The following AKAP10 variants were observed in gnomAD, a reference collection of about 807,000 sequenced individuals.
AKAP10 encodes the protein A-kinase anchoring protein 10.
In AKAP10, 24 loss-of-function variants were observed where a neutral mutation model predicts 80.8. The ratio of observed to expected loss-of-function variants is 0.30; its 90% CI spans 0.22 to 0.42. The LOEUF (loss-of-function observed/expected upper bound fraction) is 0.42. AKAP10 is among the 10% of genes least tolerant of loss of function. AKAP10 has a pLI of 1.00. For missense variants in AKAP10, 661 were observed against 794.9 expected, an observed-to-expected ratio of 0.83 and a Z score of 2.03; for synonymous variants, 291 against 277.7, an observed-to-expected ratio of 1.05 and a Z score of -0.48.
At chr17:19,929,340 A>T (rs978272911) in intron 10 of AKAP10, 1 of 152,210 alleles carries the variant, frequency 6.6e-6, no homozygotes, top group Non-Finnish European at 1.5e-5. Flanking sequence ...TGTAAATGTG[A>T]ATTAGCACAA....
intron 4 of AKAP10, among the ~76,000 whole-genome samples, chr17:19,950,642 G>A (rs528179285): frequency 7.9e-5 from 12 of 152,346 alleles, no homozygotes; most frequent in African/African-American, 1.9e-4. Context: ...GTGCAGTGGC[G>A]TGATCTCAGC....
intron 5 of AKAP10, among the ~76,000 whole-genome samples, chr17:19,946,238 TATATATATATATA>T (rs2043114419): frequency 5.7e-4 from 5 of 8,790 alleles, no homozygotes; most frequent in African/African-American, 2.6e-3. Flanking sequence ...ATATATATAT[TATATATATATATA>T]TATATATATA....
At chr17:19,954,362 TA>T (rs2152417056) in intron 4 of AKAP10, among the ~76,000 whole-genome samples, 1 of 152,192 alleles carries the variant, frequency 6.6e-6, no homozygotes, top group Admixed American at 6.6e-5. Flanking sequence ...CAAATGGTAT[TA>T]GAACAACTAG....
At chr17:19,977,549 C>T in intron 1 of AKAP10, 43 bp downstream of exon 1, 1 of 1,225,782 alleles carries the variant, frequency 8.2e-7, no homozygotes. Flanking sequence ...CACCGCCGCC[C>T]CTGAGGCCCG....
At chr17:19,958,875 T>G (rs2043315424) in intron 3 of AKAP10, among the ~76,000 whole-genome samples, 1 of 148,826 alleles carries the variant, frequency 6.7e-6, no homozygotes, top group Admixed American at 6.7e-5. Flanking sequence ...TTTTGAGACT[T>G]TTCACTCTTG....
intron 5 of AKAP10, among the ~76,000 whole-genome samples, chr17:19,946,710 T>A (rs545280581): frequency 6.9e-6 from 1 of 144,018 alleles, no homozygotes; most frequent in Admixed American, 7.3e-5. Context: ...TTCAGAAGAA[T>A]AAAGTTACGT....
intron 4 of AKAP10, 69 bp from the exon 5 acceptor site, chr17:19,947,574 G>T: frequency 9.9e-7 from 1 of 1,005,594 alleles, no homozygotes; most frequent in Non-Finnish European, 1.6e-6. Context: ...TTATATTCAT[G>T]AATAGCAGGG....
chr17:19,968,535 C>A, intron 1 of AKAP10, 74 bp from the exon 2 acceptor site: 1 of 1,234,972 alleles, frequency 8.1e-7, no homozygotes. Context: ...AAAAATTAGA[C>A]CAGCTTTATT....
rs556170002 is a variant in AKAP10, at chr17:19,905,549, G to T, written c.*678C>A. Reference sequence around the variant, plus strand: ...CACACCCTTCTGTTAGCAGGGGAGAGAATGGTTTTAAGTATAGTGCATCTC... The same window carrying T: ...CACACCCTTCTGTTAGCAGGGGAGATAATGGTTTTAAGTATAGTGCATCTC... On this transcript the variant is annotated 3_prime_UTR_variant, in exon 15 of 15. Coordinates refer to ENST00000225737, the MANE Select transcript of AKAP10 (RefSeq NM_007202.4). The T allele has an allele frequency of 3.3e-5, 5 of 152,718 alleles. No individual in the cohort carries two copies. In the East Asian group the frequency reaches 9.6e-4, roughly 29 times the overall value. 9.5% of individuals were successfully genotyped at this position (152,718 alleles called of 1,614,324 possible). A position where few individuals can be genotyped will look rare whatever the true frequency, so the allele number is the denominator to read the frequency against.
intron 1 of AKAP10, among the ~76,000 whole-genome samples, chr17:19,970,731 A>C (rs1382788893): frequency 6.6e-6 from 1 of 152,070 alleles, no homozygotes; most frequent in Non-Finnish European, 1.5e-5. Flanking sequence ...GCTGAGGCAG[A>C]AGAATCGCTT....
At chr17:19,973,246 C>T (rs539671627) in intron 1 of AKAP10, among the ~76,000 whole-genome samples, 14 of 152,346 alleles carry the variant, frequency 9.2e-5, no homozygotes, top group East Asian at 3.9e-4. Flanking sequence ...TCCCAAAGTG[C>T]TGGCCATGCC....
At chr17:19,907,410 C>CTTTTTTTTTTTTTTT (rs59027197) in intron 14 of AKAP10, among the ~76,000 whole-genome samples, 1 of 136,412 alleles carries the variant, frequency 7.3e-6, no homozygotes. Flanking sequence ...TTTTCTTTAA[C>CTTTTTTTTTTTTTTT]TTTTTTTTTT....
At position 19,939,748 on chromosome 17, in the gene AKAP10, C is replaced by A; in HGVS notation, c.1287G>T (p.Gln429His). 2 of 1,613,986 alleles carry A rather than the reference C, an allele frequency of 1.2e-6. No homozygotes were observed. Among genetic ancestry groups the A allele is most frequent in the Non-Finnish European group, 1.7e-6 (2 of 1,180,012 alleles). Residue 429 changes from glutamine to histidine, a missense_variant, in exon 8 of 15, where the codon CAG becomes CAT. By Grantham distance (24) the Gln-to-His change is conservative (BLOSUM62 0). Transcript: ENST00000225737. ...AAATCATGGCATCATTCTGTGCCTC[C>A]TGTCCATCATATTGGCCCTTTTTGG... ...LAAKKGQYDG[Q>H]EAQNDAMILY...
intron 2 of AKAP10, among the ~76,000 whole-genome samples, 161 bp downstream of exon 2, chr17:19,968,253 A>C (rs1597532006): frequency 1.3e-5 from 2 of 151,984 alleles, no homozygotes; most frequent in South Asian, 4.2e-4. Flanking sequence ...ATGTTAAAGC[A>C]TTATACAGGT....
At position 19,946,261 on chromosome 17, in the gene AKAP10, A is replaced by G. The variant is rs1258136691; in HGVS notation, c.976+1146T>C. On this transcript the variant is annotated intron_variant, in intron 5 of 14. Transcript: ENST00000225737. Reference sequence around the variant, plus strand: ...ATTATATATATATATATATATATATATATATATATATATATTTTTTTTTTT... The same window carrying G: ...ATTATATATATATATATATATATATGTATATATATATATATTTTTTTTTTT... Among the ~76,000 whole-genome samples the G allele has an allele frequency of 9.3e-4, 24 of 25,754 alleles. 1 individual carries two copies. Among genetic ancestry groups the G allele is most frequent in the African/African-American group, 3.5e-3 (21 of 6,052 alleles). The allele number at this position is 25,754 out of a possible 152,430, so 16.9% of individuals were successfully genotyped here.
intron 4 of AKAP10, among the ~76,000 whole-genome samples, chr17:19,957,437 G>A (rs1035171029): frequency 3.9e-5 from 6 of 152,004 alleles, no homozygotes; most frequent in African/African-American, 1.5e-4. Flanking sequence ...AGCTATTTGG[G>A]AGGCTGAGGC....
chr17:19,973,811 G>C (rs538663431), intron 1 of AKAP10, among the ~76,000 whole-genome samples: 14 of 152,250 alleles, frequency 9.2e-5, no homozygotes, highest in Non-Finnish European at 1.9e-4. Flanking sequence ...TTCGATATGT[G>C]TGAGGTAGAC....
intron 4 of AKAP10, among the ~76,000 whole-genome samples, chr17:19,950,230 T>A (rs1464341436): frequency 1.3e-5 from 2 of 152,000 alleles, no homozygotes; most frequent in African/African-American, 4.8e-5. Context: ...CTCAAAAAAA[T>A]AAATAAATAA....
chr17:19,912,911 C>T (rs1044960263), intron 12 of AKAP10, among the ~76,000 whole-genome samples: 1 of 151,970 alleles, frequency 6.6e-6, no homozygotes, highest in Non-Finnish European at 1.5e-5. Flanking sequence ...CCTGTAGTTG[C>T]TACTAACCTG....
Sources: allele counts gnomAD v4.1 joint callset (sites outside exome capture counted in the v4.1 genomes callset), GRCh38; gene constraint gnomAD v4.1.1; transcripts MANE v1.5; gene names NCBI Gene and HGNC (gene_info 2026-07-23, HGNC 2026-07-21).